The following SPON1 variants were observed in gnomAD, a reference collection of about 807,000 sequenced individuals.
SPON1 encodes the protein spondin 1, also known as spondin-1.
SPON1 carries 52 observed loss-of-function variants against 111.7 expected under a neutral mutation model. The ratio of observed to expected loss-of-function variants is 0.47; its 90% CI spans 0.37 to 0.59. The LOEUF (loss-of-function observed/expected upper bound fraction) is 0.59. Ranked by LOEUF, SPON1 falls within the 20% of genes least tolerant of loss-of-function variation. The probability of loss-of-function intolerance (pLI) is 0.00; values close to 1 mark genes in which losing one functional copy is unlikely to be tolerated. For missense variants in SPON1, 957 were observed against 1,068.5 expected (o/e 0.90, Z 1.46); for synonymous variants, 410 against 395.8 (o/e 1.04, Z -0.43).
intron 6 of SPON1, among the ~76,000 whole-genome samples, chr11:14,196,220 C>G (rs1205296786): frequency 6.6e-6 from 1 of 152,098 alleles, no homozygotes; most frequent in Admixed American, 6.5e-5. Context: ...CTTCTCCTGG[C>G]CTTAGGCCTG....
At chr11:14,148,604 A>G (rs1484504448) in intron 6 of SPON1, among the ~76,000 whole-genome samples, 1 of 152,196 alleles carries the variant, frequency 6.6e-6, no homozygotes, top group Admixed American at 6.5e-5. Flanking sequence ...GCTACAGTCC[A>G]CCTGTTATTT....
chr11:14,193,169 C>T (rs141323702), intron 6 of SPON1, among the ~76,000 whole-genome samples: 2 of 152,234 alleles, frequency 1.3e-5, no homozygotes, highest in Admixed American at 6.5e-5. Flanking sequence ...TTCAATGGTG[C>T]CAAGGCCACA....
intron 11 of SPON1, among the ~76,000 whole-genome samples, chr11:14,258,605 G>GAA (rs138986772): frequency 6.6e-6 from 1 of 152,100 alleles, no homozygotes; most frequent in Non-Finnish European, 1.5e-5. Flanking sequence ...GTATGGCAGG[G>GAA]AAAAAAACCA....
chr11:14,164,942 G>A (rs1848010840), intron 6 of SPON1, among the ~76,000 whole-genome samples: 1 of 152,168 alleles, frequency 6.6e-6, no homozygotes, highest in African/African-American at 2.4e-5. Context: ...TCCATCAAGT[G>A]CATGGTCTGC....
chr11:14,256,190 T>C (rs533597534), intron 9 of SPON1, among the ~76,000 whole-genome samples: 371 of 152,130 alleles, frequency 2.4e-3, no homozygotes, highest in Non-Finnish European at 4.1e-3. Flanking sequence ...GAGGTTACAG[T>C]GAGCCAAGAT....
At chr11:14,076,104 A>T (rs1313909466) in intron 4 of SPON1, among the ~76,000 whole-genome samples, 7 of 152,216 alleles carry the variant, frequency 4.6e-5, no homozygotes, top group Non-Finnish European at 1.0e-4. Flanking sequence ...GACACATAGT[A>T]AATGCTGTCT....
At chr11:14,244,381 G>T (rs142624079) in intron 7 of SPON1, among the ~76,000 whole-genome samples, 13,257 of 152,126 alleles carry the variant, frequency 0.087, 786 homozygotes, top group Middle Eastern at 0.14. Context: ...AGCTGGGTGT[G>T]GTGGCACGTG....
Position 14,094,912 on chromosome 11 carries a change from G to A in SPON1, c.676+14891G>A, listed in dbSNP as rs149272939. The stretch of plus-strand genomic sequence containing the variant: ...GCAATGGTGTGGCTTGGACTGCAGC[G>A]GTGAAAGTGGTAATGGAGAAAATTG... On this transcript the variant is annotated intron_variant, in intron 5 of 15. Coordinates refer to ENST00000576479, the MANE Select transcript of SPON1 (RefSeq NM_006108.4). 9.2e-3 allele frequency among the ~76,000 whole-genome samples: 1,407 copies of A among 152,246 alleles called. 21 individuals carry two copies. Among genetic ancestry groups the A allele is most frequent in the South Asian group, 0.068 (328 of 4,808 alleles).
At chr11:14,101,859 T>G (rs1849146586) in intron 5 of SPON1, among the ~76,000 whole-genome samples, 1 of 152,230 alleles carries the variant, frequency 6.6e-6, no homozygotes, top group Non-Finnish European at 1.5e-5. Context: ...ACCTTTATGT[T>G]GAAATAGCTT....
intron 4 of SPON1, among the ~76,000 whole-genome samples, chr11:14,077,781 G>A (rs909984033): frequency 4.6e-5 from 7 of 151,190 alleles, no homozygotes; most frequent in African/African-American, 1.5e-4. Flanking sequence ...TACCGTGCCC[G>A]GCCCTGCATA....
chr11:14,160,497 ACATATATATATT>A (rs1847906623), intron 6 of SPON1, among the ~76,000 whole-genome samples: 3 of 7,640 alleles, frequency 3.9e-4, no homozygotes, highest in African/African-American at 4.7e-4. Context: ...ATATATATTT[ACATATATATATT>A]TATATATATA....
rs1450415159 is a variant in SPON1 at position 13,982,795 on chromosome 11, T to C, written c.239-52T>C. On this transcript the variant is annotated intron_variant, in intron 1 of 15. Transcript: ENST00000576479. The stretch of plus-strand genomic sequence containing the variant: ...ACTCAGGTCTATCCCATTTGACAAA[T>C]GGACAATAATTGATTCTTATACTTA... 5 of 1,256,792 alleles carry C rather than the reference T, an allele frequency of 4.0e-6. No homozygotes were observed. The African/African-American group carries it at 7.4e-5, about 19-fold the overall frequency. The allele number at this position is 1,256,792 out of a possible 1,614,324, so 77.9% of individuals were successfully genotyped here. A position where few individuals can be genotyped will look rare whatever the true frequency, so the allele number is the denominator to read the frequency against.
chr11:13,984,031 G>A (rs186432448), intron 2 of SPON1, among the ~76,000 whole-genome samples: 31 of 152,130 alleles, frequency 2.0e-4, no homozygotes, highest in Admixed American at 1.1e-3. Context: ...TTAATTCCAC[G>A]CTCACCGTAA....
chr11:14,126,005 A>G (rs989613228), intron 5 of SPON1, among the ~76,000 whole-genome samples: 2 of 151,386 alleles, frequency 1.3e-5, no homozygotes, highest in African/African-American at 2.5e-5. Flanking sequence ...AGGCAGGGGG[A>G]AAAAAGCAAG....
chr11:14,193,268 G>C (rs1848367111), intron 6 of SPON1, among the ~76,000 whole-genome samples: 1 of 152,178 alleles, frequency 6.6e-6, no homozygotes, highest in South Asian at 2.1e-4. Flanking sequence ...TCAGAACCAG[G>C]AAGTGTTGGC....
chr11:14,024,276 A>C (rs1848501626), intron 2 of SPON1, among the ~76,000 whole-genome samples: 1 of 152,106 alleles, frequency 6.6e-6, no homozygotes, highest in Non-Finnish European at 1.5e-5. Flanking sequence ...GGCTTGTGTT[A>C]ATCAGCTCAA....
intron 3 of SPON1, among the ~76,000 whole-genome samples, chr11:14,052,369 A>T (rs1389037660): frequency 6.6e-6 from 1 of 152,252 alleles, no homozygotes; most frequent in Non-Finnish European, 1.5e-5. Flanking sequence ...ATTTAGAGGA[A>T]AATGGCAGGG....
intron 5 of SPON1, among the ~76,000 whole-genome samples, chr11:14,119,019 A>C (rs910855374): frequency 6.6e-6 from 1 of 152,334 alleles, no homozygotes; most frequent in African/African-American, 2.4e-5. Context: ...AGGATGAGAC[A>C]ATGACAATGA....
At chr11:14,263,006 C>T in intron 15 of SPON1, 31 bp downstream of exon 15, 1 of 1,601,340 alleles carries the variant, frequency 6.2e-7, no homozygotes, top group Non-Finnish European at 8.5e-7. Flanking sequence ...CCTGGGTGGT[C>T]TCCAGGACAG....
Sources: allele counts gnomAD v4.1 joint callset (sites outside exome capture counted in the v4.1 genomes callset), GRCh38; gene constraint gnomAD v4.1.1; transcripts MANE v1.5; gene names NCBI Gene and HGNC (gene_info 2026-07-23, HGNC 2026-07-21).